TUBE1: variants seen among roughly 807,000 people sequenced by gnomAD.
TUBE1 encodes the protein tubulin epsilon 1, also known as tubulin epsilon chain.
In TUBE1, 34 loss-of-function variants were observed where a neutral mutation model predicts 53.5. The ratio of observed to expected loss-of-function variants is 0.64; its 90% CI spans 0.48 to 0.85. The LOEUF (loss-of-function observed/expected upper bound fraction) is 0.85. TUBE1 is among the 40% of genes least tolerant of loss of function. The pLI is 0.00. For synonymous variants in TUBE1, 177 were observed against 198.4 expected, an observed-to-expected ratio of 0.89 and a Z score of 0.91; for missense variants, 532 against 570.5, an observed-to-expected ratio of 0.93 and a Z score of 0.69.
In TUBE1 at chr6:112,075,947, T is replaced by A; in HGVS notation, c.802A>T (p.Asn268Tyr). Residue 268 changes from asparagine (N) to tyrosine (Y), a missense_variant, in exon 8 of 12, where the codon AAC becomes TAC. Physicochemically the swap from Asn to Tyr is moderately radical, Grantham distance 143. Coordinates refer to ENST00000368662, the MANE Select transcript of TUBE1 (RefSeq NM_016262.5). ...CCTGGATAGAATTACCTCGTTAGGT[T>A]GAGGAGCAAATTTGCCACAATGTTA... The part of the protein sequence containing the change: ...MNNIVANLLL[N>Y]LTSSARFEGS... The A allele has an allele frequency of 1.2e-6, 2 of 1,610,656 alleles. No individual in the cohort carries two copies. The highest frequency in any genetic ancestry group is 1.7e-6 in the Non-Finnish European group (2 of 1,178,014).
At chr6:112,076,936 G>T (rs1776981403) in intron 6 of TUBE1, 1 of 152,330 alleles carries the variant, frequency 6.6e-6, no homozygotes, top group Non-Finnish European at 1.5e-5. Context: ...TCTAATTTTG[G>T]ATAAGGAAAT....
rs78756972 is a variant in TUBE1, at chr6:112,087,085, C to T, written c.99+148G>A. Reference sequence around the variant, plus strand: ...CTTTTAGTTTAGTGTGTGTCTGACGCAACATGTTTAAAAACCAGTACGTTC... The same window carrying T: ...CTTTTAGTTTAGTGTGTGTCTGACGTAACATGTTTAAAAACCAGTACGTTC... On this transcript the variant is annotated intron_variant, in intron 2 of 11. Coordinates refer to ENST00000368662, the MANE Select transcript of TUBE1 (RefSeq NM_016262.5). 7.2e-4 allele frequency: 507 copies of T among 706,038 alleles called. 4 individuals carry two copies. The East Asian group carries it at 0.011, about 16-fold the overall frequency. The allele number at this position is 706,038 out of a possible 1,614,324, so 43.7% of individuals were successfully genotyped here.
intron 6 of TUBE1, 26 bp from the exon 7 acceptor site, chr6:112,076,535 T>C: frequency 1.3e-6 from 2 of 1,545,726 alleles, no homozygotes; most frequent in Non-Finnish European, 1.7e-6. Context: ...TTTTTAAAAA[T>C]TAGCATAAAT....
intron 3 of TUBE1, among the ~76,000 whole-genome samples, chr6:112,084,506 T>C (rs1247942840): frequency 6.6e-6 from 1 of 152,192 alleles, no homozygotes; most frequent in Non-Finnish European, 1.5e-5. Flanking sequence ...AGGGGAAGTA[T>C]TCTGGGAAGC....
chr6:112,078,426 G>A (rs1344909100), intron 6 of TUBE1: 2 of 151,948 alleles, frequency 1.3e-5, no homozygotes, highest in Admixed American at 6.6e-5. Context: ...GAGATAAAGT[G>A]GAAAAGTTAC....
At position 112,072,820 on chromosome 6, in the gene TUBE1, G is replaced by A. The variant is rs781949283; in HGVS notation, c.1032C>T (p.Leu344=). Residue 344 remains leucine (L), a synonymous_variant, in exon 10 of 12, where the codon CTC becomes CTT. Coordinates refer to ENST00000368662, the MANE Select transcript of TUBE1 (RefSeq NM_016262.5). ...LRADPKHSLY[L]ACALMVRGNV... Reference sequence around the variant, plus strand: ...TTCCTCTAACCATGAGTGCACAGGCGAGGTAAAGACTGTGTTTGGGGTCTG... The same window carrying A: ...TTCCTCTAACCATGAGTGCACAGGCAAGGTAAAGACTGTGTTTGGGGTCTG... 1.5e-5 allele frequency: 24 copies of A among 1,613,462 alleles called. No homozygotes were observed. Among genetic ancestry groups the A allele is most frequent in the South Asian group, 9.9e-5 (9 of 91,052 alleles).
At chr6:112,087,368 A>G (rs782301514) in intron 1 of TUBE1, 42 bp downstream of exon 1, 1 of 1,551,356 alleles carries the variant, frequency 6.4e-7, no homozygotes, top group Non-Finnish European at 8.7e-7. Context: ...TGGCCGCTGG[A>G]TTCCGCGGCG....
At chr6:112,074,156 A>G (rs1234303981) in intron 9 of TUBE1, among the ~76,000 whole-genome samples, 2 of 152,344 alleles carry the variant, frequency 1.3e-5, no homozygotes, top group Non-Finnish European at 2.9e-5. Flanking sequence ...ATCAGTATAC[A>G]TGCTAAGAGT....
At chr6:112,083,917 AG>A in intron 4 of TUBE1, 1 of 378,932 alleles carries the variant, frequency 2.6e-6, no homozygotes, top group Middle Eastern at 7.5e-4. Context: ...TACGTATTTC[AG>A]GTCCTTAGAG....
chr6:112,078,317 A>C (rs1243360476), intron 6 of TUBE1: 1 of 152,066 alleles, frequency 6.6e-6, no homozygotes, highest in Non-Finnish European at 1.5e-5. Context: ...TGTAAAAACT[A>C]AACACCATAA....
chr6:112,082,076 C>T (rs1777080093), intron 4 of TUBE1, among the ~76,000 whole-genome samples: 1 of 152,060 alleles, frequency 6.6e-6, no homozygotes, highest in Admixed American at 6.5e-5. Context: ...AGTTCTGTTA[C>T]CATATAACAT....
intron 4 of TUBE1, among the ~76,000 whole-genome samples, chr6:112,083,319 C>A (rs903957919): frequency 1.2e-4 from 18 of 146,548 alleles, no homozygotes; most frequent in East Asian, 2.0e-4. Context: ...CCTTCCATAA[C>A]ATTTTTTTTT....
intron 3 of TUBE1, 41 bp downstream of exon 3, chr6:112,086,515 C>G (rs782109863): frequency 6.7e-7 from 1 of 1,502,598 alleles, no homozygotes; most frequent in East Asian, 2.3e-5. Flanking sequence ...GCTACTGAAA[C>G]TTAAAGTATC....
At chr6:112,071,802 T>C (rs1330425294) in intron 11 of TUBE1, 100 bp downstream of exon 11, 5 of 1,209,482 alleles carry the variant, frequency 4.1e-6, no homozygotes, top group Non-Finnish European at 4.5e-6. Flanking sequence ...ACGCACATAA[T>C]AGAAAACATC....
chr6:112,080,343 C>T (rs977672624), intron 5 of TUBE1, among the ~76,000 whole-genome samples: 4 of 151,946 alleles, frequency 2.6e-5, no homozygotes, highest in Non-Finnish European at 5.9e-5. Flanking sequence ...AAAAGATTTT[C>T]CCATAATATG....
intron 6 of TUBE1, among the ~76,000 whole-genome samples, chr6:112,079,232 A>G (rs587653852): frequency 2.0e-4 from 30 of 152,028 alleles, no homozygotes; most frequent in African/African-American, 5.8e-4. Flanking sequence ...GCAAGCACAC[A>G]TCATGAGCAC....
intron 10 of TUBE1, 69 bp from the exon 11 acceptor site, chr6:112,072,145 A>C: frequency 8.4e-7 from 1 of 1,197,170 alleles, no homozygotes; most frequent in Non-Finnish European, 1.2e-6. Context: ...ATATAATGGC[A>C]GCTCATATTA....
At position 112,080,999 on chromosome 6, in the gene TUBE1, T is replaced by C. The variant is rs782246051; in HGVS notation, c.326+93A>G. The C allele has an allele frequency of 4.3e-5, 34 of 791,786 alleles. No individual in the cohort carries two copies. The South Asian group carries it at 6.0e-4, about 14-fold the overall frequency. The allele number at this position is 791,786 out of a possible 1,614,324, so 49.0% of individuals were successfully genotyped here. On this transcript the variant is annotated intron_variant, in intron 5 of 11. Transcript: ENST00000368662. ...AAAGGCCTAGCATTATGTGGCAAAT[T>C]ACATCCTGTTTCGTATCAGCAGAAT...
At position 112,072,086 on chromosome 6, in the gene TUBE1, A is replaced by T. The variant is rs782780222; in HGVS notation, c.1095-10T>A. 3.2e-6 allele frequency: 5 copies of T among 1,539,858 alleles called. No homozygotes were observed. The African/African-American group carries it at 6.2e-5, about 19-fold the overall frequency. On this transcript the variant is annotated splice_polypyrimidine_tract_variant and intron_variant, in intron 10 of 11. Transcript: ENST00000368662. ...TAGAGATGGTTTTAATCTGAGATTA[A>T]AAAAAAAAATCTCAGAAGGTGAGAA...
Sources: allele counts gnomAD v4.1 joint callset (sites outside exome capture counted in the v4.1 genomes callset), GRCh38; gene constraint gnomAD v4.1.1; transcripts MANE v1.5; gene names NCBI Gene and HGNC (gene_info 2026-07-23, HGNC 2026-07-21).